PRKCD: variants seen among roughly 807,000 people sequenced by gnomAD.
PRKCD encodes protein kinase C delta type.
In PRKCD, 20 loss-of-function variants were observed where a neutral mutation model predicts 82.2. The observed-to-expected ratio is 0.24, with a 90% CI of 0.17 to 0.35. The LOEUF is 0.35. Among genes scored for constraint, PRKCD ranks in the 10% least tolerant of loss-of-function variants. The pLI is 1.00. For synonymous variants in PRKCD, 317 were observed against 337.0 expected, an observed-to-expected ratio of 0.94 and a Z score of 0.65; for missense variants, 607 against 899.0, an observed-to-expected ratio of 0.68 and a Z score of 4.15.
At chr3:53,179,918 T>A (rs1298865883) in intron 4 of PRKCD, 142 bp downstream of exon 4, 3 of 995,106 alleles carry the variant, frequency 3.0e-6, no homozygotes, top group Non-Finnish European at 4.4e-6. Context: ...TGGCCACCAG[T>A]CCAGCCCTGT....
At chr3:53,189,312 GC>G in intron 17 of PRKCD, 66 bp downstream of exon 17, 4 of 1,483,204 alleles carry the variant, frequency 2.7e-6, no homozygotes, top group Non-Finnish European at 3.6e-6. Flanking sequence ...CAGACACTGG[GC>G]TTTGGGTGAG....
In PRKCD at chr3:53,188,801, A is replaced by C; in HGVS notation, c.1497A>C (p.Ile499=). The change falls in exon 16 of 19, where the codon ATA becomes ATC. Residue 499 remains isoleucine, a synonymous_variant. Transcript: ENST00000330452. ...ACTTTGGGATGTGCAAAGAGAACATATTCGGGGAGAGCCGGGCCAGCACCT... is the reference window on the plus strand; with the variant it reads ...ACTTTGGGATGTGCAAAGAGAACATCTTCGGGGAGAGCCGGGCCAGCACCT... ...IADFGMCKEN[I]FGESRASTFC... 1.2e-6 allele frequency: 2 copies of C among 1,614,210 alleles called. No homozygotes were observed. The highest frequency in any genetic ancestry group is 1.7e-5 in the Admixed American group (1 of 60,030).
chr3:53,174,397 C>T (rs1221812779), intron 2 of PRKCD, among the ~76,000 whole-genome samples: 4 of 152,202 alleles, frequency 2.6e-5, no homozygotes, highest in African/African-American at 7.2e-5. Context: ...TGTGTGGGGT[C>T]GAGCCCCCGG....
At chr3:53,174,902 A>G (rs879954897) in intron 2 of PRKCD, among the ~76,000 whole-genome samples, 3 of 152,132 alleles carry the variant, frequency 2.0e-5, no homozygotes, top group Non-Finnish European at 4.4e-5. Flanking sequence ...AGTGGCTTCT[A>G]AATGTGAGCA....
intron 2 of PRKCD, among the ~76,000 whole-genome samples, chr3:53,170,916 C>A (rs1275406575): frequency 1.3e-5 from 2 of 151,460 alleles, no homozygotes; most frequent in Admixed American, 1.3e-4. Context: ...GATGTGAGAG[C>A]CGGTGAGTGC....
At chr3:53,182,073 G>A (rs1703466401) in intron 7 of PRKCD, 1 of 455,232 alleles carries the variant, frequency 2.2e-6, no homozygotes. Context: ...GGCACATAGT[G>A]GCTGCATGTG....
intron 2 of PRKCD, among the ~76,000 whole-genome samples, chr3:53,168,087 G>T (rs1432804291): frequency 1.3e-5 from 2 of 152,268 alleles, no homozygotes; most frequent in Non-Finnish European, 2.9e-5. Flanking sequence ...TCCAGCTCTG[G>T]CCTCCTGCAG....
intron 3 of PRKCD, among the ~76,000 whole-genome samples, chr3:53,178,886 G>T (rs1553666539): frequency 6.6e-6 from 1 of 152,218 alleles, no homozygotes. Flanking sequence ...GGGGTTCATA[G>T]TCAGGTGGGG....
intron 18 of PRKCD, among the ~76,000 whole-genome samples, chr3:53,190,605 C>T (rs899492703): frequency 6.6e-6 from 1 of 152,202 alleles, no homozygotes; most frequent in South Asian, 2.1e-4. Flanking sequence ...ACTCACAGGC[C>T]CAGAATCTAC....
intron 4 of PRKCD, among the ~76,000 whole-genome samples, chr3:53,180,626 C>A (rs1163196091): frequency 6.6e-6 from 1 of 152,198 alleles, no homozygotes; most frequent in Admixed American, 6.5e-5. Flanking sequence ...GCTGTACTGA[C>A]CCTTGGCCAG....
intron 9 of PRKCD, 130 bp downstream of exon 9, chr3:53,183,711 G>C (rs1237135442): frequency 1.5e-6 from 2 of 1,337,242 alleles, no homozygotes; most frequent in Non-Finnish European, 2.0e-6. Context: ...ACCTGATGAG[G>C]GTGAGGCCTT....
At chr3:53,162,108 G>C (rs1202879701) in intron 1 of PRKCD, among the ~76,000 whole-genome samples, 3 of 151,764 alleles carry the variant, frequency 2.0e-5, no homozygotes, top group Non-Finnish European at 4.4e-5. Flanking sequence ...ATCCGTCTCT[G>C]GGCTGGGCGT....
intron 18 of PRKCD, among the ~76,000 whole-genome samples, chr3:53,191,492 T>C (rs1233854517): frequency 1.3e-5 from 2 of 152,236 alleles, no homozygotes; most frequent in Admixed American, 6.5e-5. Flanking sequence ...ATGATTGTAC[T>C]TGCCAGTTCA....
At chr3:53,166,347 C>T (rs1702831684) in intron 2 of PRKCD, among the ~76,000 whole-genome samples, 1 of 152,218 alleles carries the variant, frequency 6.6e-6, no homozygotes, top group African/African-American at 2.4e-5. Flanking sequence ...CCAGCCCTTT[C>T]CGTCACTCAG....
chr3:53,181,165 C>T, intron 4 of PRKCD, 42 bp from the exon 5 acceptor site: 1 of 1,603,764 alleles, frequency 6.2e-7, no homozygotes, highest in Non-Finnish European at 8.5e-7. Flanking sequence ...CCCAGGCTGC[C>T]CTCACTGACC....
At chr3:53,186,449 C>A in intron 13 of PRKCD, 109 bp downstream of exon 13, 1 of 1,395,414 alleles carries the variant, frequency 7.2e-7, no homozygotes, top group Non-Finnish European at 9.8e-7. Context: ...TAAGGCAGGG[C>A]CATGCTTTCC....
At chr3:53,188,303 G>T (rs1429840392) in intron 15 of PRKCD, among the ~76,000 whole-genome samples, 1 of 150,686 alleles carries the variant, frequency 6.6e-6, no homozygotes, top group East Asian at 2.0e-4. Context: ...GTGGAAGGTA[G>T]ACTTTGTACT....
intron 2 of PRKCD, among the ~76,000 whole-genome samples, chr3:53,174,474 C>T (rs1184048145): frequency 6.6e-6 from 1 of 152,200 alleles, no homozygotes; most frequent in Non-Finnish European, 1.5e-5. Flanking sequence ...CTGGGGCCTC[C>T]GTGGCCCAGG....
intron 7 of PRKCD, 149 bp from the exon 8 acceptor site, chr3:53,182,972 A>C: frequency 1.3e-6 from 1 of 747,982 alleles, no homozygotes. Flanking sequence ...GGAAGACTCA[A>C]GCGCTGGGCC....
Sources: allele counts gnomAD v4.1 joint callset (sites outside exome capture counted in the v4.1 genomes callset), GRCh38; gene constraint gnomAD v4.1.1; transcripts MANE v1.5; gene names NCBI Gene and HGNC (gene_info 2026-07-23, HGNC 2026-07-21).